SGCD: variants seen among roughly 807,000 people sequenced by gnomAD.
SGCD encodes delta-sarcoglycan.
Under a neutral mutation model 36.6 loss-of-function variants are expected in SGCD, and 18 were observed. The observed-to-expected ratio is 0.49, with a 90% CI of 0.34 to 0.73. SGCD has a LOEUF of 0.73. SGCD is among the 30% of genes least tolerant of loss of function. The pLI is 0.01. For missense variants in SGCD, 387 were observed against 346.7 expected (o/e 1.12, Z -0.92); for synonymous variants, 133 against 130.6 (o/e 1.02, Z -0.12).
intron 3 of SGCD, among the ~76,000 whole-genome samples, chr5:156,294,613 G>A (rs1766848057): frequency 6.6e-6 from 1 of 152,094 alleles, no homozygotes; most frequent in Non-Finnish European, 1.5e-5. Context: ...GATATTCACT[G>A]TGGGTTTTTC....
Position 156,405,429 on chromosome 5 carries a change from T to C in SGCD, c.192+60752T>C, listed in dbSNP as rs527731266. 1.4e-4 allele frequency among the ~76,000 whole-genome samples: 21 copies of C among 152,356 alleles called. No homozygotes were observed. In the South Asian group the frequency reaches 4.1e-3, roughly 30 times the overall value. On this transcript the variant is annotated intron_variant, in intron 3 of 8. Transcript: ENST00000337851. ...ATGAAATGATCATCCTAGAAGAGGA[T>C]AGGTTTTTCTATCTTAAACAAAATC...
the SGCD span, among the ~76,000 whole-genome samples, chr5:155,793,670 T>C: frequency 1.3e-5 from 2 of 151,810 alleles, no homozygotes; most frequent in Non-Finnish European, 2.9e-5. Flanking sequence ...GCCTCCCTAG[T>C]AGCTGGGACT....
intron 7 of SGCD, among the ~76,000 whole-genome samples, chr5:156,692,017 T>C (rs1754130253): frequency 6.6e-6 from 1 of 152,218 alleles, no homozygotes; most frequent in Non-Finnish European, 1.5e-5. Flanking sequence ...CTGATATTAA[T>C]ATGCTAGACT....
At chr5:155,949,824 A>G (rs537087541) in intron 1 of SGCD, among the ~76,000 whole-genome samples, 1 of 152,294 alleles carries the variant, frequency 6.6e-6, no homozygotes, top group East Asian at 1.9e-4. Flanking sequence ...GGCCCTTGAC[A>G]GAAAAAGTTT....
Position 156,363,454 on chromosome 5 carries a change from C to G in SGCD, c.192+18777C>G, listed in dbSNP as rs140638827. 4.6e-5 allele frequency among the ~76,000 whole-genome samples: 7 copies of G among 152,232 alleles called. No homozygotes were observed. In the East Asian group the frequency reaches 1.4e-3, roughly 29 times the overall value. On this transcript the variant is annotated intron_variant, in intron 3 of 8. Transcript: ENST00000337851. ...ATTTAAAATATGATTTTGGTATGCT[C>G]TCCTAAGTTTATTTCTTCTCATTAA... is the stretch of plus-strand genomic sequence containing the variant.
Position 156,344,648 on chromosome 5 carries a change from T to C in SGCD, c.163T>C (p.Trp55Arg). Residue 55 changes from tryptophan (W) to arginine (R), a missense_variant, in exon 3 of 9, where the codon TGG (tryptophan) becomes CGG (arginine). Coordinates refer to ENST00000337851, the MANE Select transcript of SGCD (RefSeq NM_000337.6). The stretch of plus-strand genomic sequence containing the variant: ...ACTGGTGAACTTGGCCATGACCATC[T>C]GGATTCTCAAAGTCATGAACTTCAC... ...LILVNLAMTI[W>R]ILKVMNFTID... 1 of 1,608,504 alleles carries C rather than the reference T, an allele frequency of 6.2e-7. No individual in the cohort carries two copies. The highest frequency in any genetic ancestry group is 8.5e-7 in the Non-Finnish European group (1 of 1,177,460).
At chr5:156,102,478 T>C (rs1400125403) in intron 1 of SGCD, among the ~76,000 whole-genome samples, 1 of 152,218 alleles carries the variant, frequency 6.6e-6, no homozygotes, top group African/African-American at 2.4e-5. Context: ...TTTTTTATTG[T>C]TCCTTATTCG....
intron 1 of SGCD, among the ~76,000 whole-genome samples, chr5:156,109,206 G>T (rs1181914213): frequency 6.6e-6 from 1 of 152,088 alleles, no homozygotes; most frequent in East Asian, 1.9e-4. Flanking sequence ...CCCTGTAGTT[G>T]CTTACCTTCT....
At chr5:156,257,366 T>G (rs1204023128) in intron 3 of SGCD, among the ~76,000 whole-genome samples, 2 of 151,512 alleles carry the variant, frequency 1.3e-5, no homozygotes, top group Non-Finnish European at 2.9e-5. Context: ...CCCAGCTACT[T>G]GGGAGGCTGA....
intron 7 of SGCD, 77 bp downstream of exon 7, chr5:156,647,613 A>G (rs923276685): frequency 1.1e-6 from 1 of 925,132 alleles, no homozygotes; most frequent in Non-Finnish European, 1.7e-6. Flanking sequence ...ATTCATTCTG[A>G]ATAAATAATA....
rs77367223 is a variant in SGCD at position 156,711,357 on chromosome 5, C to T, written c.576-46224C>T. ...CACATGGCCACCATTGATGTAGCTTCGATGGCTTACTACTAAGTTCCTGCA... is the reference window on the plus strand; with the variant it reads ...CACATGGCCACCATTGATGTAGCTTTGATGGCTTACTACTAAGTTCCTGCA... On this transcript the variant is annotated intron_variant, in intron 7 of 8. Transcript: ENST00000337851. 6.8e-3 allele frequency among the ~76,000 whole-genome samples: 1,039 copies of T among 152,262 alleles called. 7 individuals are homozygous for T. The highest frequency in any genetic ancestry group is 0.024 in the African/African-American group (989 of 41,532).
intron 3 of SGCD, among the ~76,000 whole-genome samples, chr5:156,303,988 A>T (rs1767129941): frequency 6.6e-6 from 1 of 151,958 alleles, no homozygotes; most frequent in Admixed American, 6.6e-5. Context: ...GCTAGGTCAT[A>T]GGCACCCCAA....
chr5:155,996,515 C>A (rs1419009783), intron 1 of SGCD, among the ~76,000 whole-genome samples: 1 of 152,254 alleles, frequency 6.6e-6, no homozygotes, highest in South Asian at 2.1e-4. Flanking sequence ...CGGTGGCTCA[C>A]GCCTGTGATC....
chr5:155,892,385 G>T (rs895731657), intron 1 of SGCD, among the ~76,000 whole-genome samples: 1 of 150,944 alleles, frequency 6.6e-6, no homozygotes, highest in Non-Finnish European at 1.5e-5. Flanking sequence ...AACACAGGAG[G>T]TGAAGGTTGC....
chr5:155,736,651 G>T, the SGCD span, among the ~76,000 whole-genome samples: 1 of 152,032 alleles, frequency 6.6e-6, no homozygotes, highest in Non-Finnish European at 1.5e-5. Flanking sequence ...ACCTTTTAAT[G>T]GGCATTGAGG....
chr5:156,714,743 C>T (rs1755145041), intron 7 of SGCD, among the ~76,000 whole-genome samples: 1 of 152,222 alleles, frequency 6.6e-6, no homozygotes, highest in Admixed American at 6.5e-5. Context: ...AAGGGATTTT[C>T]ATACCTGTTT....
chr5:155,931,946 C>T (rs959100547), intron 1 of SGCD, among the ~76,000 whole-genome samples: 1 of 152,172 alleles, frequency 6.6e-6, no homozygotes, highest in Non-Finnish European at 1.5e-5. Context: ...ATAAATGGTG[C>T]CTTCTCCCTG....
At chr5:156,572,084 A>G (rs1454647888) in intron 4 of SGCD, among the ~76,000 whole-genome samples, 1 of 152,144 alleles carries the variant, frequency 6.6e-6, no homozygotes, top group East Asian at 1.9e-4. Flanking sequence ...ATCATACCTC[A>G]TTTTTGCAGG....
At chr5:156,147,388 T>C (rs1407337883) in intron 3 of SGCD, among the ~76,000 whole-genome samples, 1 of 152,224 alleles carries the variant, frequency 6.6e-6, no homozygotes, top group African/African-American at 2.4e-5. Flanking sequence ...AACTGTCATA[T>C]CTAAAAGAGT....
Sources: allele counts gnomAD v4.1 joint callset (sites outside exome capture counted in the v4.1 genomes callset), GRCh38; gene constraint gnomAD v4.1.1; transcripts MANE v1.5; gene names NCBI Gene and HGNC (gene_info 2026-07-23, HGNC 2026-07-21).